GABRB1: variants seen among roughly 807,000 people sequenced by gnomAD.
The protein encoded by GABRB1 is gamma-aminobutyric acid receptor subunit beta-1.
Under a neutral mutation model 51.6 loss-of-function variants are expected in GABRB1, and 17 were observed. That is an observed-to-expected ratio of 0.33 (90% CI 0.23 to 0.49). The LOEUF (loss-of-function observed/expected upper bound fraction) is 0.49. GABRB1 is among the 20% of genes least tolerant of loss of function. GABRB1 has a pLI of 0.99. For missense variants in GABRB1, 410 were observed against 600.6 expected (o/e 0.68, Z 3.32); for synonymous variants, 247 against 218.9 (o/e 1.13, Z -1.14).
At chr4:47,210,709 A>T (rs947981286) in intron 4 of GABRB1, among the ~76,000 whole-genome samples, 6 of 152,316 alleles carry the variant, frequency 3.9e-5, no homozygotes, top group South Asian at 2.1e-4. Context: ...CCTTTATTAA[A>T]TATTTGTGGA....
At chr4:47,032,285 CT>C (rs1460024461) in intron 2 of GABRB1, 131 bp from the exon 3 acceptor site, 1 of 891,726 alleles carries the variant, frequency 1.1e-6, no homozygotes, top group Non-Finnish European at 1.7e-6. Flanking sequence ...AGGCAGTCCC[CT>C]GAAAGGGGTG....
chr4:47,030,137 C>G (rs1301395370), upstream of GABRB1, among the ~76,000 whole-genome samples: 1 of 152,124 alleles, frequency 6.6e-6, no homozygotes, highest in Non-Finnish European at 1.5e-5. Context: ...AATGTTGAGT[C>G]TTCCCAATTA....
At chr4:47,385,580 C>T (rs920917215) in intron 5 of GABRB1, among the ~76,000 whole-genome samples, 1 of 152,104 alleles carries the variant, frequency 6.6e-6, no homozygotes, top group Admixed American at 6.5e-5. Flanking sequence ...TTTCTGACAC[C>T]AAATGTTTGG....
intron 4 of GABRB1, among the ~76,000 whole-genome samples, chr4:47,237,663 C>T (rs1268830434): frequency 1.3e-5 from 2 of 151,674 alleles, no homozygotes; most frequent in Non-Finnish European, 2.9e-5. Context: ...CCTTTACCTC[C>T]AATATATTAG....
chr4:47,269,744 A>G (rs1722782421), intron 4 of GABRB1, among the ~76,000 whole-genome samples: 1 of 152,076 alleles, frequency 6.6e-6, no homozygotes, highest in South Asian at 2.1e-4. Context: ...CACTATGTAC[A>G]TGTATTAACT....
At chr4:47,056,688 A>G (rs190035531) in intron 3 of GABRB1, among the ~76,000 whole-genome samples, 11 of 152,332 alleles carry the variant, frequency 7.2e-5, no homozygotes, top group Non-Finnish European at 1.5e-4. Context: ...GCTACAAAAA[A>G]AAGGAAAGGA....
chr4:47,377,892 A>G (rs976010823), intron 5 of GABRB1, among the ~76,000 whole-genome samples: 40 of 152,214 alleles, frequency 2.6e-4, no homozygotes, highest in Non-Finnish European at 3.8e-4. Flanking sequence ...AGCTAGATAC[A>G]GAGTGCCGAT....
chr4:47,067,285 G>A (rs1001681777), intron 3 of GABRB1, among the ~76,000 whole-genome samples: 3 of 152,190 alleles, frequency 2.0e-5, no homozygotes, highest in African/African-American at 7.2e-5. Context: ...AGGATTTTCA[G>A]AATGGTAAAT....
chr4:47,352,517 A>G (rs1001741116), intron 5 of GABRB1, among the ~76,000 whole-genome samples: 6 of 152,230 alleles, frequency 3.9e-5, no homozygotes, highest in Non-Finnish European at 5.9e-5. Flanking sequence ...AAAATCCTCA[A>G]TAAAATACTG....
intron 5 of GABRB1, among the ~76,000 whole-genome samples, chr4:47,401,844 TATCTATCTATCTATCTATCTATC>T (rs1728406000): frequency 2.1e-5 from 2 of 94,024 alleles, no homozygotes; most frequent in African/African-American, 8.0e-5. Flanking sequence ...ATCTATCATC[TATCTATCTATCTATCTATCTATC>T]ATCTATCTAT....
At chr4:47,376,045 A>T (rs1028412014) in intron 5 of GABRB1, among the ~76,000 whole-genome samples, 5 of 152,222 alleles carry the variant, frequency 3.3e-5, no homozygotes, top group African/African-American at 1.2e-4. Context: ...TTGAATCTCA[A>T]AGCAGAAATT....
intron 4 of GABRB1, among the ~76,000 whole-genome samples, chr4:47,198,111 T>C (rs747868661): frequency 5.3e-5 from 8 of 152,104 alleles, no homozygotes; most frequent in Non-Finnish European, 1.2e-4. Context: ...CATAAACCGA[T>C]ATCTCTACTA....
chr4:47,425,516 A>AGATAGATAGATCGATC lies in GABRB1; in HGVS notation c.1081-155_1081-154insAGATAGATCGATCGAT, dbSNP rs557382638. Among the ~76,000 whole-genome samples, 269 of 149,514 alleles carry AGATAGATAGATCGATC rather than the reference A, an allele frequency of 1.8e-3. 5 individuals are homozygous for AGATAGATAGATCGATC. In the East Asian group the frequency reaches 0.028, roughly 15 times the overall value. ...TAGATAGATAGATAGATAGATAGAT[A>AGATAGATAGATCGATC]GATCGATCGATCTATCTCCACATCA... On this transcript the variant is annotated intron_variant, in intron 8 of 8. Coordinates refer to ENST00000295454, the MANE Select transcript of GABRB1 (RefSeq NM_000812.4).
At chr4:47,206,127 G>A (rs1464237674) in intron 4 of GABRB1, among the ~76,000 whole-genome samples, 2 of 151,948 alleles carry the variant, frequency 1.3e-5, no homozygotes, top group African/African-American at 2.4e-5. Flanking sequence ...CATTTTCCAT[G>A]ATGGGACTTT....
chr4:47,248,106 ACT>A (rs1721835162), intron 4 of GABRB1, among the ~76,000 whole-genome samples: 1 of 151,972 alleles, frequency 6.6e-6, no homozygotes, highest in Admixed American at 6.6e-5. Flanking sequence ...TAGAGGGAAT[ACT>A]TTCAATTTTT....
intron 4 of GABRB1, among the ~76,000 whole-genome samples, chr4:47,167,135 T>C (rs1390495221): frequency 6.6e-6 from 1 of 152,154 alleles, no homozygotes. Flanking sequence ...AATTAAAAAT[T>C]GTAGGATGCA....
intron 5 of GABRB1, among the ~76,000 whole-genome samples, chr4:47,334,820 T>A (rs570555577): frequency 5.3e-5 from 8 of 152,270 alleles, no homozygotes; most frequent in African/African-American, 1.9e-4. Context: ...CATTTATCCT[T>A]TTTTGATGAT....
chr4:47,268,756 A>G (rs1033172126), intron 4 of GABRB1, among the ~76,000 whole-genome samples: 1 of 152,216 alleles, frequency 6.6e-6, no homozygotes, highest in Non-Finnish European at 1.5e-5. Flanking sequence ...TAAAATGCTT[A>G]TTACTATCAG....
At chr4:47,081,473 T>C (rs548017305) in intron 3 of GABRB1, among the ~76,000 whole-genome samples, 3 of 152,322 alleles carry the variant, frequency 2.0e-5, no homozygotes, top group African/African-American at 7.2e-5. Flanking sequence ...ATACATTTAG[T>C]ATTACAACTT....
Sources: gnomAD v4.1 joint callset for allele counts (sites outside exome capture counted in the v4.1 genomes callset) on GRCh38, gnomAD v4.1.1 for gene constraint, MANE v1.5 for transcripts, NCBI Gene and HGNC (gene_info 2026-07-23, HGNC 2026-07-21) for gene names.